ATP10B: variants seen among roughly 807,000 people sequenced by gnomAD.
The protein encoded by ATP10B is phospholipid-transporting ATPase VB.
Under a neutral mutation model 141.2 loss-of-function variants are expected in ATP10B, and 122 were observed. That is an observed-to-expected ratio of 0.86 (90% CI 0.75 to 1.00). The LOEUF (loss-of-function observed/expected upper bound fraction) is 1.00. Ranked by LOEUF, ATP10B falls within the 50% of genes least tolerant of loss-of-function variation. ATP10B has a pLI of 0.00. For synonymous variants in ATP10B, 685 were observed against 692.0 expected, an observed-to-expected ratio of 0.99 and a Z score of 0.16; for missense variants, 1,876 against 1,825.3, an observed-to-expected ratio of 1.03 and a Z score of -0.51.
chr5:160,833,025 G>T (rs1032366944), intron 1 of ATP10B, among the ~76,000 whole-genome samples: 1 of 152,154 alleles, frequency 6.6e-6, no homozygotes, highest in African/African-American at 2.4e-5. Context: ...GAGTAGGGCA[G>T]GGAATCAGAG....
chr5:160,605,572 G>C (rs1757335544), intron 19 of ATP10B, among the ~76,000 whole-genome samples: 1 of 152,188 alleles, frequency 6.6e-6, no homozygotes, highest in Non-Finnish European at 1.5e-5. Context: ...AGGCATAAAA[G>C]TAGGATGTCG....
intron 2 of ATP10B, among the ~76,000 whole-genome samples, chr5:160,717,618 T>C (rs1269372525): frequency 6.6e-6 from 1 of 152,222 alleles, no homozygotes; most frequent in African/African-American, 2.4e-5. Context: ...TTCACCAATA[T>C]GAATTTATTT....
intron 13 of ATP10B, among the ~76,000 whole-genome samples, chr5:160,629,444 G>T (rs1758790851): frequency 6.6e-6 from 1 of 152,120 alleles, no homozygotes; most frequent in African/African-American, 2.4e-5. Flanking sequence ...GCTTATGGAG[G>T]GTCCCCATCT....
At chr5:160,727,835 A>C (rs1766463568) in intron 2 of ATP10B, among the ~76,000 whole-genome samples, 1 of 152,224 alleles carries the variant, frequency 6.6e-6, no homozygotes, top group Admixed American at 6.5e-5. Context: ...ACCACCAGGA[A>C]AGGTAAAAGG....
At chr5:160,824,613 C>T (rs1774434510) in intron 1 of ATP10B, among the ~76,000 whole-genome samples, 1 of 152,130 alleles carries the variant, frequency 6.6e-6, no homozygotes, top group African/African-American at 2.4e-5. Flanking sequence ...ATGATATAGC[C>T]TATTGCTCCT....
chr5:160,570,014 CTT>C (rs921036999), intron 24 of ATP10B, among the ~76,000 whole-genome samples: 3 of 151,920 alleles, frequency 2.0e-5, no homozygotes, highest in Admixed American at 6.6e-5. Flanking sequence ...TTTCGTATGA[CTT>C]TTTGTTTTTT....
At chr5:160,654,985 T>C (rs1761381943) in intron 7 of ATP10B, among the ~76,000 whole-genome samples, 1 of 152,194 alleles carries the variant, frequency 6.6e-6, no homozygotes, top group African/African-American at 2.4e-5. Flanking sequence ...CCTAAGAGTC[T>C]GCTCCTTAAC....
rs1581208135 is a variant in ATP10B at position 160,617,897 on chromosome 5, T to A, written c.2493A>T (p.Arg831Ser). The A allele has an allele frequency of 6.2e-7, 1 of 1,614,200 alleles. No individual in the cohort carries two copies. ...RTQKHLDLYA[R>S]DGLRTLCIAK... ...CAATGCATAGTGTGCGCAGGCCATC[T>A]CTTGCATACAAGTCTAGATGCTTTT... Residue 831 changes from arginine (R) to serine (S), a missense_variant, in exon 16 of 26, where the codon AGA becomes AGT. By Grantham distance (110) the Arg-to-Ser change is moderately radical. Transcript: ENST00000327245.
intron 2 of ATP10B, among the ~76,000 whole-genome samples, chr5:160,725,648 T>C (rs957891042): frequency 2.6e-5 from 4 of 152,132 alleles, no homozygotes; most frequent in Admixed American, 2.6e-4. Context: ...GGTTTCACCG[T>C]GTTAGCCAGG....
intron 1 of ATP10B, among the ~76,000 whole-genome samples, chr5:160,821,627 C>T (rs1296998039): frequency 6.6e-6 from 1 of 151,882 alleles, no homozygotes; most frequent in Admixed American, 6.6e-5. Flanking sequence ...GCTATAGTAA[C>T]CAAAACAGCA....
At chr5:160,891,145 A>C in the ATP10B span, among the ~76,000 whole-genome samples, 1 of 152,128 alleles carries the variant, frequency 6.6e-6, no homozygotes, top group African/African-American at 2.4e-5. Context: ...AAACTTTTTG[A>C]GGCCTTTTGT....
At chr5:160,651,839 G>A (rs1469554126) in intron 7 of ATP10B, among the ~76,000 whole-genome samples, 1 of 152,050 alleles carries the variant, frequency 6.6e-6, no homozygotes, top group African/African-American at 2.4e-5. Flanking sequence ...TTCTTTCAGG[G>A]ACAAACACTT....
At chr5:160,789,377 G>T (rs1034218478) in intron 1 of ATP10B, among the ~76,000 whole-genome samples, 1 of 152,002 alleles carries the variant, frequency 6.6e-6, no homozygotes, top group Admixed American at 6.6e-5. Context: ...CCTACTCTAC[G>T]CCTAGGCTGT....
intron 1 of ATP10B, among the ~76,000 whole-genome samples, chr5:160,846,947 G>T (rs1021864670): frequency 1.6e-4 from 24 of 152,154 alleles, no homozygotes; most frequent in African/African-American, 5.6e-4. Flanking sequence ...ATCCTATGCG[G>T]TTGAAGCCCT....
chr5:160,651,835 C>T (rs1454942244), intron 7 of ATP10B, among the ~76,000 whole-genome samples: 1 of 152,104 alleles, frequency 6.6e-6, no homozygotes, highest in Non-Finnish European at 1.5e-5. Context: ...TTGATTCTTT[C>T]AGGGACAAAC....
intron 5 of ATP10B, 48 bp downstream of exon 5, chr5:160,687,752 G>A: frequency 3.2e-6 from 5 of 1,566,222 alleles, no homozygotes; most frequent in Middle Eastern, 1.7e-4. Flanking sequence ...GGAACAGAAT[G>A]AGACTCTTTC....
At chr5:160,641,617 C>T (rs146483089) in intron 9 of ATP10B, among the ~76,000 whole-genome samples, 1 of 151,836 alleles carries the variant, frequency 6.6e-6, no homozygotes, top group African/African-American at 2.4e-5. Flanking sequence ...TTTCACCAAC[C>T]CCTGGGACCC....
In ATP10B at chr5:160,620,868, CTCAATAGCT is replaced by C. The variant is rs1758305052; in HGVS notation, c.1886_1894del (p.Lys629_Leu631del). On this transcript the variant is annotated inframe_deletion, in exon 15 of 26. Transcript: ENST00000327245. Reference sequence around the variant, plus strand: ...AGTGGATGAGAATGACTGGCTGAGGCTCAATAGCTTCAACTTCTGGAAGAGCTGCTGAAT... The same window carrying C: ...AGTGGATGAGAATGACTGGCTGAGGCTCAACTTCTGGAAGAGCTGCTGAAT... The C allele has an allele frequency of 3.1e-6, 5 of 1,614,214 alleles. No individual in the cohort carries two copies. The East Asian group carries it at 1.1e-4, about 36-fold the overall frequency.
chr5:160,873,596 T>A, the ATP10B span, among the ~76,000 whole-genome samples: 1 of 151,948 alleles, frequency 6.6e-6, no homozygotes, highest in African/African-American at 2.4e-5. Flanking sequence ...AGAAGACGGG[T>A]GATTTCTGCA....
Sources: gnomAD v4.1 joint callset for allele counts (sites outside exome capture counted in the v4.1 genomes callset) on GRCh38, gnomAD v4.1.1 for gene constraint, MANE v1.5 for transcripts, NCBI Gene and HGNC (gene_info 2026-07-23, HGNC 2026-07-21) for gene names.